Variants in IL17RA observed in about 807,000 individuals in gnomAD.
The protein encoded by IL17RA is interleukin 17 receptor A, also known as interleukin-17 receptor A.
A neutral mutation model predicts 50.4 loss-of-function variants in IL17RA; 34 were observed. The ratio of observed to expected loss-of-function variants is 0.67; its 90% confidence interval spans 0.51 to 0.90. The LOEUF (loss-of-function observed/expected upper bound fraction) is 0.90, where lower values mean the gene tolerates loss of function less well. IL17RA is among the 40% of genes least tolerant of loss of function. IL17RA has a pLI of 0.00. For synonymous variants in IL17RA, 585 were observed against 510.4 expected (o/e 1.15, Z -1.97); for missense variants, 1,276 against 1,169.8 (o/e 1.09, Z -1.32).
chr22:17,099,599 C>G lies in IL17RA; in HGVS notation c.423+712C>G, dbSNP rs189009324. ...ACTGGTTTAAATCTGCAAATGGTCA[C>G]TTGAAAACAAGTTAGATCTCCCACA... is the stretch of plus-strand genomic sequence containing the variant. On this transcript the variant is annotated intron_variant, in intron 4 of 12. Coordinates refer to ENST00000319363, the MANE Select transcript of IL17RA (RefSeq NM_014339.7). Among the ~76,000 whole-genome samples the G allele has an allele frequency of 3.5e-3, 534 of 152,106 alleles. 2 individuals carry two copies. Among genetic ancestry groups the G allele is most frequent in the Non-Finnish European group, 5.3e-3 (357 of 67,990 alleles).
rs1037345661 is a variant in IL17RA, at chr22:17,092,588, A to AC, written c.139-4468dup. Among the ~76,000 whole-genome samples the AC allele has an allele frequency of 2.3e-3, 336 of 148,420 alleles. 1 individual carries two copies. The highest frequency in any genetic ancestry group is 4.1e-3 in the Non-Finnish European group (275 of 66,592). On this transcript the variant is annotated intron_variant, in intron 1 of 12. Coordinates refer to ENST00000319363, the MANE Select transcript of IL17RA (RefSeq NM_014339.7). ...GCTTGCTTGGTGGTGGGAAGAAACC[A>AC]CCCCCCGCCAATATGTAGTCACAGA...
At chr22:17,100,725 G>A (rs1209560098) in intron 5 of IL17RA, among the ~76,000 whole-genome samples, 1 of 152,178 alleles carries the variant, frequency 6.6e-6, no homozygotes, top group Non-Finnish European at 1.5e-5. Context: ...GATCCCAGGA[G>A]TTTTATGGGA....
At chr22:17,086,579 C>G (rs1423700833) in intron 1 of IL17RA, among the ~76,000 whole-genome samples, 1 of 152,094 alleles carries the variant, frequency 6.6e-6, no homozygotes, top group African/African-American at 2.4e-5. Flanking sequence ...GGAACTGGAA[C>G]TATAAATAAA....
At chr22:17,103,871 T>A (rs2061402055) in intron 8 of IL17RA, among the ~76,000 whole-genome samples, 1 of 106,020 alleles carries the variant, frequency 9.4e-6, no homozygotes, top group Non-Finnish European at 1.9e-5. Flanking sequence ...GTGGAGAGAG[T>A]GGTGTGGCTG....
chr22:17,089,698 C>T (rs768265908), intron 1 of IL17RA, among the ~76,000 whole-genome samples: 55 of 152,226 alleles, frequency 3.6e-4, no homozygotes, highest in Non-Finnish European at 6.9e-4. Flanking sequence ...CATGGCAAAA[C>T]CCTGTCTCTA....
Position 17,102,033 on chromosome 22 carries a change from C to T in IL17RA, c.588C>T (p.Cys196=). The T allele has an allele frequency of 1.2e-6, 2 of 1,614,232 alleles. No individual in the cohort carries two copies. Among genetic ancestry groups the T allele is most frequent in the Non-Finnish European group, 1.7e-6 (2 of 1,180,036 alleles). The change falls in exon 6 of 13, where the codon TGC becomes TGT. Residue 196 remains cysteine, a synonymous_variant. Transcript: ENST00000319363. ...CCAGGATGAAGGTAACCACGCCATG[C>T]ATGAGCTCAGGTAACAGCTGGCCCG... ...EHARMKVTTP[C]MSSGSLWDPN... is the part of the protein sequence containing the mutation.
At chr22:17,107,581 C>T (rs2061419541) in intron 11 of IL17RA, 146 bp from the exon 12 acceptor site, 11 of 723,902 alleles carry the variant, frequency 1.5e-5, no homozygotes, top group African/African-American at 3.5e-5. Context: ...CATGCCTGTG[C>T]GACCACCTAG....
rs41537347 is a variant in IL17RA at position 17,102,438 on chromosome 22, C to T, written c.762+136C>T. ...AGGGCTGTGCTTAGTCCATAGTGAT[C>T]ATGGCGCCTTGCCCTTTTTCTTCCC... On this transcript the variant is annotated intron_variant, in intron 7 of 12. Coordinates refer to ENST00000319363, the MANE Select transcript of IL17RA (RefSeq NM_014339.7). The T allele has an allele frequency of 2.3e-4, 218 of 947,540 alleles. 2 individuals are homozygous for T. In the African/African-American group the frequency reaches 3.1e-3, roughly 14 times the overall value. The allele number at this position is 947,540 out of a possible 1,614,324, so 58.7% of individuals were successfully genotyped here. A position where few individuals can be genotyped will look rare whatever the true frequency, so the allele number is the denominator to read the frequency against.
intron 1 of IL17RA, among the ~76,000 whole-genome samples, chr22:17,092,452 G>C (rs747332112): frequency 6.6e-6 from 1 of 152,154 alleles, no homozygotes; most frequent in Non-Finnish European, 1.5e-5. Flanking sequence ...TGTCTAGGGG[G>C]TGGGCGGTCT....
chr22:17,085,441 G>C (rs1010250980), intron 1 of IL17RA, among the ~76,000 whole-genome samples: 1 of 152,134 alleles, frequency 6.6e-6, no homozygotes, highest in Admixed American at 6.5e-5. Flanking sequence ...GAATACGGGG[G>C]GGGTGGGTGG....
intron 10 of IL17RA, 114 bp downstream of exon 10, chr22:17,105,716 G>GGT: frequency 7.8e-7 from 1 of 1,278,616 alleles, no homozygotes. Context: ...AGGCCAGCCC[G>GGT]GGGTGGGGGG....
In IL17RA at chr22:17,110,414, C is replaced by T. The variant is rs1235562741; in HGVS notation, c.*594C>T. The T allele has an allele frequency of 6.3e-6, 1 of 158,870 alleles. No individual in the cohort carries two copies. The highest frequency in any genetic ancestry group is 2.5e-5 in the African/African-American group (1 of 40,632). 9.8% of individuals were successfully genotyped at this position (158,870 alleles called of 1,614,324 possible). ...TTGGGAGGCTGAGGCAGGAGAATTGCTTGAATCTGGGAGGCAGAGGTTGCA... is the reference window on the plus strand; with the variant it reads ...TTGGGAGGCTGAGGCAGGAGAATTGTTTGAATCTGGGAGGCAGAGGTTGCA... On this transcript the variant is annotated 3_prime_UTR_variant, in exon 13 of 13. Transcript: ENST00000319363.
chr22:17,102,111 T>C (rs1218544334), intron 6 of IL17RA, 28 bp from the exon 7 acceptor site: 1 of 1,613,934 alleles, frequency 6.2e-7, no homozygotes, highest in Non-Finnish European at 8.5e-7. Context: ...CCCTCCTCAC[T>C]CCCAGCCTGC....
rs763313591 is a variant in IL17RA, at chr22:17,103,544, C to A, written c.813C>A (p.Arg271=). 3.6e-5 allele frequency: 58 copies of A among 1,613,620 alleles called. No homozygotes were observed. The Middle Eastern group carries it at 2.0e-3, about 55-fold the overall frequency. ...HQRSNVTLTL[R]NLKGCCRHQV... ...GATCCAACGTCACACTCACTCTACG[C>A]AACCTTAAAGGGTGCTGTCGCCACC... The change falls in exon 8 of 13, where the codon CGC becomes CGA. Residue 271 remains arginine, a synonymous_variant. Transcript: ENST00000319363.
chr22:17,094,677 C>G (rs1272530928), intron 1 of IL17RA, among the ~76,000 whole-genome samples: 3,841 of 49,002 alleles, frequency 0.078, 639 homozygotes, highest in Non-Finnish European at 0.11. Flanking sequence ...CTCTCTCTCT[C>G]TCTCTCTCTC....
chr22:17,096,520 C>T (rs1314142298), intron 1 of IL17RA, among the ~76,000 whole-genome samples: 1 of 152,152 alleles, frequency 6.6e-6, no homozygotes, highest in Non-Finnish European at 1.5e-5. Flanking sequence ...TCCAAGAGAA[C>T]CCTCTCAGTG....
At chr22:17,101,239 C>T (rs1159078851) in intron 5 of IL17RA, among the ~76,000 whole-genome samples, 1 of 152,204 alleles carries the variant, frequency 6.6e-6, no homozygotes, top group East Asian at 1.9e-4. Flanking sequence ...AAGCCTGGGT[C>T]TTCTGCCCAT....
intron 11 of IL17RA, 91 bp from the exon 12 acceptor site, chr22:17,107,636 C>T (rs2061419691): frequency 1.8e-6 from 2 of 1,137,916 alleles, no homozygotes; most frequent in Non-Finnish European, 2.7e-6. Flanking sequence ...TTACCCTTCA[C>T]CCTTTGTCAG....
chr22:17,094,279 G>A (rs1022862880), intron 1 of IL17RA, among the ~76,000 whole-genome samples: 3 of 151,920 alleles, frequency 2.0e-5, no homozygotes, highest in South Asian at 4.1e-4. Flanking sequence ...GAGCCACTGC[G>A]CCCAGCCAAC....
Sources: allele counts gnomAD v4.1 joint callset (sites outside exome capture counted in the v4.1 genomes callset), GRCh38; gene constraint gnomAD v4.1.1; transcripts MANE v1.5; gene names NCBI Gene and HGNC (gene_info 2026-07-23, HGNC 2026-07-21).